The following DIAPH3 variants were observed in gnomAD, a reference collection of about 807,000 sequenced individuals.
DIAPH3 encodes the protein protein diaphanous homolog 3.
A neutral mutation model predicts 144.3 loss-of-function variants in DIAPH3; 117 were observed. That is an observed-to-expected ratio of 0.81 (90% CI 0.70 to 0.95). The LOEUF is 0.95. DIAPH3 is among the 40% of genes least tolerant of loss of function. The probability of loss-of-function intolerance (pLI) is 0.00; values close to 1 mark genes in which losing one functional copy is unlikely to be tolerated. For synonymous variants in DIAPH3, 519 were observed against 488.9 expected, an observed-to-expected ratio of 1.06 and a Z score of -0.81; for missense variants, 1,421 against 1,412.7, an observed-to-expected ratio of 1.01 and a Z score of -0.09.
At chr13:59,859,390 G>A (rs340211) in intron 22 of DIAPH3, among the ~76,000 whole-genome samples, 103,451 of 151,976 alleles carry the variant, frequency 0.68, 36,912 homozygotes, top group East Asian at 0.89. Context: ...CCAAGTTACA[G>A]TTCTGCAAGT....
chr13:59,955,746 C>T (rs1393401038), intron 17 of DIAPH3, among the ~76,000 whole-genome samples: 5 of 152,168 alleles, frequency 3.3e-5, no homozygotes, highest in African/African-American at 1.2e-4. Context: ...AAGTTCGGAA[C>T]TTCCTAGAGA....
intron 9 of DIAPH3, among the ~76,000 whole-genome samples, chr13:59,999,563 A>C (rs1303618861): frequency 6.6e-6 from 1 of 152,158 alleles, no homozygotes; most frequent in Admixed American, 6.5e-5. Context: ...AAGCTATCAC[A>C]GCATTTGAAT....
At chr13:60,096,623 G>C (rs1425159450) in intron 3 of DIAPH3, among the ~76,000 whole-genome samples, 2 of 152,156 alleles carry the variant, frequency 1.3e-5, no homozygotes, top group African/African-American at 4.8e-5. Context: ...CCCTCAGTAT[G>C]GGCAGGCACC....
chr13:59,975,761 C>T (rs1566598555), intron 14 of DIAPH3, among the ~76,000 whole-genome samples: 1 of 152,016 alleles, frequency 6.6e-6, no homozygotes, highest in Non-Finnish European at 1.5e-5. Context: ...TTCTCTCAGT[C>T]TCAACCTGTG....
At chr13:60,123,236 TATC>T (rs781347905) in intron 2 of DIAPH3, among the ~76,000 whole-genome samples, 3 of 152,142 alleles carry the variant, frequency 2.0e-5, no homozygotes, top group Admixed American at 6.6e-5. Flanking sequence ...TTCCAGCCCC[TATC>T]ATATCACACT....
intron 20 of DIAPH3, among the ~76,000 whole-genome samples, chr13:59,900,174 T>A (rs2046352666): frequency 6.6e-6 from 1 of 152,302 alleles, no homozygotes; most frequent in East Asian, 1.9e-4. Context: ...ATAAGCTCAA[T>A]CCCTTGATTA....
chr13:59,907,329 T>C (rs912806919), intron 20 of DIAPH3, among the ~76,000 whole-genome samples: 1 of 152,166 alleles, frequency 6.6e-6, no homozygotes, highest in African/African-American at 2.4e-5. Context: ...GCCTTATTCA[T>C]TACAAGCCAC....
At chr13:59,780,675 T>C (rs550164031) in intron 25 of DIAPH3, among the ~76,000 whole-genome samples, 2 of 152,278 alleles carry the variant, frequency 1.3e-5, no homozygotes, top group East Asian at 1.9e-4. Context: ...GTGGAATCAA[T>C]AGGTCTTAGG....
chr13:60,060,510 C>G (rs1428106219), intron 4 of DIAPH3, among the ~76,000 whole-genome samples: 1 of 152,060 alleles, frequency 6.6e-6, no homozygotes, highest in Non-Finnish European at 1.5e-5. Flanking sequence ...AGTACTCACC[C>G]ATAGTTTGCA....
chr13:59,726,130 T>C (rs759106516), intron 27 of DIAPH3, among the ~76,000 whole-genome samples: 10 of 152,236 alleles, frequency 6.6e-5, no homozygotes, highest in Non-Finnish European at 1.3e-4. Flanking sequence ...ACTGTATAGA[T>C]TTGCATGTAT....
Position 59,729,188 on chromosome 13 carries a change from G to A in DIAPH3, c.3319+45001C>T, listed in dbSNP as rs117795658. Reference sequence around the variant, plus strand: ...AAGCTTGACTATAGTCAGTGGACTGGGTCAAAAAACCACAGAGCCAGCACT... The same window carrying A: ...AAGCTTGACTATAGTCAGTGGACTGAGTCAAAAAACCACAGAGCCAGCACT... On this transcript the variant is annotated intron_variant, in intron 27 of 27. Coordinates refer to ENST00000400324, the MANE Select transcript of DIAPH3 (RefSeq NM_001042517.2). Among the ~76,000 whole-genome samples the A allele has an allele frequency of 3.9e-3, 595 of 152,234 alleles. 10 individuals carry two copies. The East Asian group carries it at 0.043, about 11-fold the overall frequency.
chr13:59,916,258 G>A lies in DIAPH3; in HGVS notation c.2171-9C>T, dbSNP rs2047215593. 6 of 1,598,612 alleles carry A rather than the reference G, an allele frequency of 3.8e-6. No homozygotes were observed. Among genetic ancestry groups the A allele is most frequent in the Non-Finnish European group, 4.3e-6 (5 of 1,166,438 alleles). ...AGAGCTCAGGAAGATTGCTAAGAAG[G>A]AGAAAGAGAGAAAGGTTTATAATGA... On this transcript the variant is annotated splice_polypyrimidine_tract_variant and intron_variant, in intron 18 of 27. Coordinates refer to ENST00000400324, the MANE Select transcript of DIAPH3 (RefSeq NM_001042517.2).
intron 27 of DIAPH3, among the ~76,000 whole-genome samples, chr13:59,731,815 G>C (rs1301221599): frequency 6.6e-6 from 1 of 152,140 alleles, no homozygotes; most frequent in Non-Finnish European, 1.5e-5. Flanking sequence ...AAAAATGTTT[G>C]TACCTAAAGT....
At chr13:59,798,251 T>C (rs1199463108) in intron 25 of DIAPH3, among the ~76,000 whole-genome samples, 22 of 152,222 alleles carry the variant, frequency 1.4e-4, no homozygotes, top group Admixed American at 1.4e-3. Flanking sequence ...CAACACCCTC[T>C]GATCCATCTG....
intron 23 of DIAPH3, chr13:59,838,159 T>C (rs1593615077): frequency 6.6e-6 from 1 of 152,244 alleles, no homozygotes; most frequent in South Asian, 2.1e-4. Context: ...ACAGAATTCA[T>C]TTGTCCATAT....
Position 60,163,627 on chromosome 13 carries a change from G to A in DIAPH3, c.140C>T (p.Pro47Leu), listed in dbSNP as rs554942934. The A allele has an allele frequency of 6.2e-7, 1 of 1,605,370 alleles. No homozygotes were observed. The change falls in exon 1 of 28, where the codon CCC (proline) becomes CTC (leucine). Residue 47 changes from proline (P) to leucine (L), a missense_variant. Transcript: ENST00000400324. Reference protein sequence around the residue: ...RRKGPQHPPPPSGPEEPGEKR... With the variant: ...RRKGPQHPPPLSGPEEPGEKR... Reference sequence around the variant, plus strand: ...CTCCCCAGGCTCCTCGGGGCCACTGGGCGGCGGAGGGTGTTGGGGGCCCTT... The same window carrying A: ...CTCCCCAGGCTCCTCGGGGCCACTGAGCGGCGGAGGGTGTTGGGGGCCCTT...
At chr13:60,068,077 AT>A (rs1442033062) in intron 4 of DIAPH3, among the ~76,000 whole-genome samples, 3 of 152,154 alleles carry the variant, frequency 2.0e-5, no homozygotes, top group Non-Finnish European at 4.4e-5. Context: ...ATATGGGCAT[AT>A]TGCTTCATAA....
At chr13:60,051,099 G>C (rs1289638691) in intron 4 of DIAPH3, among the ~76,000 whole-genome samples, 2 of 152,048 alleles carry the variant, frequency 1.3e-5, no homozygotes, top group Non-Finnish European at 2.9e-5. Flanking sequence ...TTAGGGATAA[G>C]CCTGATCACA....
At chr13:59,868,238 T>C (rs2044047973) in intron 21 of DIAPH3, among the ~76,000 whole-genome samples, 1 of 152,194 alleles carries the variant, frequency 6.6e-6, no homozygotes, top group Non-Finnish European at 1.5e-5. Flanking sequence ...TAAACTGCTA[T>C]TTTAGAGCAC....
Sources: allele counts gnomAD v4.1 joint callset (sites outside exome capture counted in the v4.1 genomes callset), GRCh38; gene constraint gnomAD v4.1.1; transcripts MANE v1.5; gene names NCBI Gene and HGNC (gene_info 2026-07-23, HGNC 2026-07-21).